RPS6KA5: variants seen among roughly 807,000 people sequenced by gnomAD.
RPS6KA5 encodes ribosomal protein S6 kinase alpha-5.
In RPS6KA5, 27 loss-of-function variants were observed where a neutral mutation model predicts 85.5. The ratio of observed to expected loss-of-function variants is 0.32; its 90% CI spans 0.23 to 0.44. The LOEUF (loss-of-function observed/expected upper bound fraction) is 0.44, where lower values mean the gene tolerates loss of function less well. RPS6KA5 is among the 20% of genes least tolerant of loss of function. The pLI is 1.00. For missense variants in RPS6KA5, 811 were observed against 980.9 expected, an observed-to-expected ratio of 0.83 and a Z score of 2.31; for synonymous variants, 334 against 348.2, an observed-to-expected ratio of 0.96 and a Z score of 0.46.
intron 5 of RPS6KA5, among the ~76,000 whole-genome samples, chr14:90,927,074 G>A (rs2036715220): frequency 6.6e-6 from 1 of 152,130 alleles, no homozygotes; most frequent in Non-Finnish European, 1.5e-5. Flanking sequence ...CGTTCTTGTA[G>A]TGGTCATGAT....
chr14:90,919,307 A>T (rs2145958), intron 7 of RPS6KA5, among the ~76,000 whole-genome samples: 123,921 of 152,176 alleles, frequency 0.81, 50,930 homozygotes, highest in East Asian at 0.97. Flanking sequence ...CTCTCAAAGA[A>T]CACTGTCCTT....
At chr14:90,983,661 A>G (rs1326402323) in intron 2 of RPS6KA5, among the ~76,000 whole-genome samples, 1 of 151,394 alleles carries the variant, frequency 6.6e-6, no homozygotes, top group Non-Finnish European at 1.5e-5. Flanking sequence ...AGAAAAAGGA[A>G]GAAGGAAAGA....
intron 14 of RPS6KA5, among the ~76,000 whole-genome samples, chr14:90,885,909 T>C (rs1489766057): frequency 2.6e-5 from 4 of 151,930 alleles, no homozygotes; most frequent in African/African-American, 4.8e-5. Context: ...GGTGATAATA[T>C]AAAAGATCCC....
At chr14:90,988,587 C>T (rs1252475087) in intron 2 of RPS6KA5, among the ~76,000 whole-genome samples, 4 of 152,076 alleles carry the variant, frequency 2.6e-5, no homozygotes, top group South Asian at 2.1e-4. Context: ...GAGGCCGAGG[C>T]GGGTGCATCA....
At position 91,060,412 on chromosome 14, in the gene RPS6KA5, C is replaced by A; in HGVS notation, c.23G>T (p.Ser8Ile). The change falls in exon 1 of 17, where the codon AGC (serine) becomes ATC (isoleucine). Residue 8 changes from serine (S) to isoleucine (I), a missense_variant. Around this residue, in one of 3 missense-constraint regions of RPS6KA5, gnomAD observed 113 missense variants for 100.0 expected, o/e 1.13. Coordinates refer to ENST00000614987, the MANE Select transcript of RPS6KA5 (RefSeq NM_004755.4). Reference sequence around the variant, plus strand: ...CGCGCTGGTCCCCGCGGCGCCGCCGCTGCTGCCACCCTCCTCCTCCATCTT... The same window carrying A: ...CGCGCTGGTCCCCGCGGCGCCGCCGATGCTGCCACCCTCCTCCTCCATCTT... MEEEGGS[S>I]GGAAGTSADG... The A allele has an allele frequency of 6.6e-7, 1 of 1,505,474 alleles. No individual in the cohort carries two copies. Among genetic ancestry groups the A allele is most frequent in the Non-Finnish European group, 8.9e-7 (1 of 1,120,336 alleles). The allele number at this position is 1,505,474 out of a possible 1,614,324, so 93.3% of individuals were successfully genotyped here. A position where few individuals can be genotyped will look rare whatever the true frequency, so the allele number is the denominator to read the frequency against.
At chr14:91,036,007 GCAAA>G (rs2042394963) in intron 1 of RPS6KA5, among the ~76,000 whole-genome samples, 1 of 146,392 alleles carries the variant, frequency 6.8e-6, no homozygotes, top group Non-Finnish European at 1.5e-5. Context: ...ACAGAAATGA[GCAAA>G]CAAACAAAAA....
intron 3 of RPS6KA5, among the ~76,000 whole-genome samples, chr14:90,973,668 A>AG (rs1016123496): frequency 2.0e-5 from 3 of 152,182 alleles, no homozygotes; most frequent in African/African-American, 7.2e-5. Context: ...AATAAAAAAA[A>AG]GAACAAGGAA....
chr14:90,958,798 A>G (rs1311055051), intron 3 of RPS6KA5, among the ~76,000 whole-genome samples: 3 of 152,104 alleles, frequency 2.0e-5, no homozygotes, highest in Admixed American at 1.3e-4. Flanking sequence ...TTCAGGAAAA[A>G]AAAATAAGTA....
rs571919248 is a variant in RPS6KA5, at chr14:90,853,483, TAAAA to T, written c.*18587_*18590del. 1.4e-5 allele frequency: 2 copies of T among 141,520 alleles called. No individual in the cohort carries two copies. The highest frequency in any genetic ancestry group is 3.0e-5 in the Non-Finnish European group (2 of 65,720). The allele number at this position is 141,520 out of a possible 1,614,324, so 8.8% of individuals were successfully genotyped here. The stretch of plus-strand genomic sequence containing the variant: ...AGATGCATCCCTTAAGTAACAACAA[TAAAA>T]AAAAAACCCAAAAACAAAACAAAGC... On this transcript the variant is annotated 3_prime_UTR_variant, in exon 17 of 17. Transcript: ENST00000614987.
intron 13 of RPS6KA5, among the ~76,000 whole-genome samples, chr14:90,892,928 A>C (rs1330075834): frequency 6.6e-6 from 1 of 152,192 alleles, no homozygotes; most frequent in Non-Finnish European, 1.5e-5. Flanking sequence ...CCCCATTTCA[A>C]GTGAGTATTT....
At chr14:91,035,163 A>G (rs2042347285) in intron 1 of RPS6KA5, among the ~76,000 whole-genome samples, 1 of 152,066 alleles carries the variant, frequency 6.6e-6, no homozygotes, top group South Asian at 2.1e-4. Flanking sequence ...GGATGTGGGC[A>G]TCAATGAAGT....
At chr14:90,872,537 T>C (rs1365771181) in intron 16 of RPS6KA5, among the ~76,000 whole-genome samples, 4 of 152,144 alleles carry the variant, frequency 2.6e-5, no homozygotes, top group African/African-American at 9.7e-5. Flanking sequence ...TATATCAAAC[T>C]AGCTAGGCGG....
rs555782987 is a variant in RPS6KA5, at chr14:90,983,146, G to A, written c.176-4622C>T. 5.1e-4 allele frequency among the ~76,000 whole-genome samples: 77 copies of A among 151,596 alleles called. 1 individual carries two copies. Among genetic ancestry groups the A allele is most frequent in the African/African-American group, 1.7e-3 (70 of 41,366 alleles). On this transcript the variant is annotated intron_variant, in intron 2 of 16. Transcript: ENST00000614987. ...AAAAAAATTAGCTGGGCGTGGTGGCGGGTGCCTGGAATCCCAGCTACACAG... is the reference window on the plus strand; with the variant it reads ...AAAAAAATTAGCTGGGCGTGGTGGCAGGTGCCTGGAATCCCAGCTACACAG...
chr14:90,986,783 G>T (rs995289027), intron 2 of RPS6KA5, among the ~76,000 whole-genome samples: 1 of 152,174 alleles, frequency 6.6e-6, no homozygotes, highest in Admixed American at 6.5e-5. Flanking sequence ...ACTAACACAG[G>T]TATGAAAGGC....
At position 90,933,129 on chromosome 14, in the gene RPS6KA5, T is replaced by C. The variant is rs560058834; in HGVS notation, c.619-9933A>G. The stretch of plus-strand genomic sequence containing the variant: ...GTCCCCATCTTATTTAACCTAACAA[T>C]AGCATTTGACACAGTTAATCATTTT... On this transcript the variant is annotated intron_variant, in intron 5 of 16. Transcript: ENST00000614987. 2.3e-4 allele frequency among the ~76,000 whole-genome samples: 35 copies of C among 152,288 alleles called. No individual in the cohort carries two copies. In the South Asian group the frequency reaches 7.3e-3, roughly 32 times the overall value.
rs1182503239 is a variant in RPS6KA5, at chr14:90,855,881, A to AC, written c.*16192dup. 6.6e-6 allele frequency: 1 copy of AC among 152,260 alleles called. No homozygotes were observed. The highest frequency in any genetic ancestry group is 2.4e-5 in the African/African-American group (1 of 41,430). 9.4% of individuals were successfully genotyped at this position (152,260 alleles called of 1,614,324 possible). On this transcript the variant is annotated 3_prime_UTR_variant, in exon 17 of 17. Transcript: ENST00000614987. ...CTCAGCCTCCCAAAGTGCTGGGATTACAGGCGTGAGTAGAGACAGCGTTTC... is the reference window on the plus strand; with the variant it reads ...CTCAGCCTCCCAAAGTGCTGGGATTACCAGGCGTGAGTAGAGACAGCGTTTC...
intron 1 of RPS6KA5, among the ~76,000 whole-genome samples, chr14:91,004,673 TA>T (rs2040933163): frequency 6.6e-6 from 1 of 151,962 alleles, no homozygotes; most frequent in South Asian, 2.1e-4. Context: ...AAGCATGATA[TA>T]AAACAGTTCC....
chr14:90,929,580 CA>C, intron 5 of RPS6KA5, among the ~76,000 whole-genome samples: 1 of 151,956 alleles, frequency 6.6e-6, no homozygotes, highest in South Asian at 2.1e-4. Context: ...GATAATAGTA[CA>C]AAATATTTTT....
intron 1 of RPS6KA5, among the ~76,000 whole-genome samples, chr14:91,016,188 G>C (rs1218847378): frequency 6.6e-6 from 1 of 152,112 alleles, no homozygotes; most frequent in Admixed American, 6.6e-5. Flanking sequence ...TCATATAAAA[G>C]TCAGACATTT....
Sources: allele counts gnomAD v4.1 joint callset (sites outside exome capture counted in the v4.1 genomes callset), GRCh38; gene constraint gnomAD v4.1.1; regional missense constraint gnomAD v4.1.1; transcripts MANE v1.5; gene names NCBI Gene and HGNC (gene_info 2026-07-23, HGNC 2026-07-21).